Variants in DLG2 observed in about 807,000 individuals in gnomAD.
The protein encoded by DLG2 is discs large MAGUK scaffold protein 2.
A neutral mutation model predicts 132.5 loss-of-function variants in DLG2; 45 were observed. The observed-to-expected ratio is 0.34, with a 90% CI of 0.27 to 0.44. DLG2 has a LOEUF of 0.44. Ranked by LOEUF, DLG2 falls within the 20% of genes least tolerant of loss-of-function variation. DLG2 has a pLI of 1.00. For missense variants in DLG2, 1,045 were observed against 1,196.9 expected (o/e 0.87, Z 1.87); for synonymous variants, 424 against 419.6 (o/e 1.01, Z -0.13).
intron 6 of DLG2, among the ~76,000 whole-genome samples, chr11:84,996,662 G>A (rs2057679516): frequency 6.6e-6 from 1 of 152,044 alleles, no homozygotes; most frequent in African/African-American, 2.4e-5. Flanking sequence ...ATCTAATGTG[G>A]GGTAGTTTTT....
intron 6 of DLG2, among the ~76,000 whole-genome samples, chr11:84,755,939 C>G (rs2066818611): frequency 6.6e-6 from 1 of 152,024 alleles, no homozygotes; most frequent in South Asian, 2.1e-4. Flanking sequence ...TTAATTTTAA[C>G]TAGATATGTA....
chr11:83,857,123 A>G (rs1309882252), intron 16 of DLG2, among the ~76,000 whole-genome samples: 1 of 152,124 alleles, frequency 6.6e-6, no homozygotes, highest in Non-Finnish European at 1.5e-5. Context: ...TGTCAAAATC[A>G]TATAGTTGCA....
chr11:84,267,442 C>T (rs1041538792), intron 7 of DLG2, among the ~76,000 whole-genome samples: 1 of 152,172 alleles, frequency 6.6e-6, no homozygotes, highest in Admixed American at 6.5e-5. Context: ...TTCTCTTCAA[C>T]TCCGTCCTTC....
chr11:83,678,490 T>C (rs2078161835), intron 18 of DLG2, among the ~76,000 whole-genome samples: 1 of 152,092 alleles, frequency 6.6e-6, no homozygotes, highest in Non-Finnish European at 1.5e-5. Flanking sequence ...AGCTCATGAG[T>C]GCAAGCAGTG....
intron 6 of DLG2, among the ~76,000 whole-genome samples, chr11:84,880,677 T>A (rs558887034): frequency 7.2e-5 from 11 of 152,126 alleles, no homozygotes; most frequent in Non-Finnish European, 1.3e-4. Flanking sequence ...AAGTAGAATA[T>A]CTAACAAGCT....
At chr11:85,019,926 A>T (rs1222499294) in intron 6 of DLG2, among the ~76,000 whole-genome samples, 1 of 152,190 alleles carries the variant, frequency 6.6e-6, no homozygotes, top group Non-Finnish European at 1.5e-5. Flanking sequence ...CGCAGTAAAC[A>T]TACGTGTGCA....
At chr11:83,853,669 T>C (rs532906800) in intron 16 of DLG2, among the ~76,000 whole-genome samples, 8 of 152,262 alleles carry the variant, frequency 5.3e-5, no homozygotes, top group African/African-American at 1.9e-4. Context: ...ATCTAAAAAG[T>C]ACCTAATAAC....
chr11:85,460,408 A>C (rs974227716), intron 3 of DLG2, among the ~76,000 whole-genome samples: 1 of 152,170 alleles, frequency 6.6e-6, no homozygotes, highest in Non-Finnish European at 1.5e-5. Context: ...GCAAAGGTCC[A>C]TGGCAGAACT....
intron 6 of DLG2, among the ~76,000 whole-genome samples, chr11:84,889,343 G>C (rs892158098): frequency 6.6e-6 from 1 of 152,208 alleles, no homozygotes; most frequent in African/African-American, 2.4e-5. Context: ...ATCTCTGAAG[G>C]CTTCATGGTG....
intron 3 of DLG2, among the ~76,000 whole-genome samples, chr11:85,435,154 C>T (rs138942584): frequency 7.2e-4 from 110 of 152,158 alleles, no homozygotes; most frequent in African/African-American, 2.2e-3. Context: ...TAGGTATTAA[C>T]GGAACATATC....
intron 6 of DLG2, among the ~76,000 whole-genome samples, chr11:84,998,825 A>C (rs1413956464): frequency 6.6e-6 from 1 of 151,996 alleles, no homozygotes; most frequent in African/African-American, 2.4e-5. Flanking sequence ...TATCATGCCT[A>C]TGAGGCATAA....
At chr11:85,191,881 T>C (rs1215089177) in intron 4 of DLG2, among the ~76,000 whole-genome samples, 1 of 152,224 alleles carries the variant, frequency 6.6e-6, no homozygotes, top group African/African-American at 2.4e-5. Context: ...GAGATGGCTA[T>C]TATTATTTTC....
intron 6 of DLG2, among the ~76,000 whole-genome samples, chr11:84,759,689 T>C (rs1014727371): frequency 2.0e-5 from 3 of 152,156 alleles, no homozygotes; most frequent in Non-Finnish European, 2.9e-5. Context: ...ACACCATCCC[T>C]TTTTTCAAAA....
At chr11:85,535,742 C>T (rs1211031621) in intron 3 of DLG2, among the ~76,000 whole-genome samples, 4 of 152,098 alleles carry the variant, frequency 2.6e-5, no homozygotes, top group African/African-American at 7.2e-5. Context: ...AAATATCCAA[C>T]AATCAACTCA....
At chr11:84,689,756 T>C (rs1419371027) in intron 6 of DLG2, among the ~76,000 whole-genome samples, 4 of 151,822 alleles carry the variant, frequency 2.6e-5, no homozygotes, top group African/African-American at 9.7e-5. Context: ...TACTACCATA[T>C]TGGTCAATAG....
chr11:85,282,799 C>A (rs939009573), intron 4 of DLG2, among the ~76,000 whole-genome samples: 1 of 151,908 alleles, frequency 6.6e-6, no homozygotes, highest in African/African-American at 2.4e-5. Context: ...ATGTTCATTG[C>A]AGCACTATTC....
intron 15 of DLG2, among the ~76,000 whole-genome samples, chr11:83,927,219 TACTA>T (rs1344651255): frequency 3.3e-5 from 5 of 152,174 alleles, no homozygotes; most frequent in Admixed American, 1.3e-4. Flanking sequence ...CCAGATACTG[TACTA>T]ACTGTTAGGA....
At chr11:83,957,416 T>C (rs1485279716) in intron 14 of DLG2, among the ~76,000 whole-genome samples, 1 of 152,194 alleles carries the variant, frequency 6.6e-6, no homozygotes, top group Non-Finnish European at 1.5e-5. Context: ...ACATGGGCTA[T>C]TAAACCTTGC....
chr11:85,373,451 T>C (rs913563077), intron 3 of DLG2, among the ~76,000 whole-genome samples: 4 of 152,140 alleles, frequency 2.6e-5, no homozygotes, highest in Non-Finnish European at 1.5e-5. Context: ...TTAAGATCAG[T>C]CTTCATCCTT....
Sources: gnomAD v4.1 joint callset for allele counts (sites outside exome capture counted in the v4.1 genomes callset) on GRCh38, gnomAD v4.1.1 for gene constraint, MANE v1.5 for transcripts, NCBI Gene and HGNC (gene_info 2026-07-23, HGNC 2026-07-21) for gene names.